Variants in AUTS2 observed in about 807,000 individuals in gnomAD.
AUTS2 encodes activator of transcription and developmental regulator AUTS2.
A neutral mutation model predicts 112.4 loss-of-function variants in AUTS2; 17 were observed. The ratio of observed to expected loss-of-function variants is 0.15; its 90% CI spans 0.10 to 0.23. The LOEUF (loss-of-function observed/expected upper bound fraction) is 0.23, where lower values mean the gene tolerates loss of function less well. Among genes scored for constraint, AUTS2 ranks in the 10% least tolerant of loss-of-function variants. AUTS2 has a pLI of 1.00. For missense variants in AUTS2, 1,510 were observed against 1,701.6 expected, an observed-to-expected ratio of 0.89 and a Z score of 1.98; for synonymous variants, 751 against 702.7, an observed-to-expected ratio of 1.07 and a Z score of -1.09.
chr7:70,532,065 C>A (rs1269522471), intron 5 of AUTS2, among the ~76,000 whole-genome samples: 1 of 152,142 alleles, frequency 6.6e-6, no homozygotes, highest in Non-Finnish European at 1.5e-5. Context: ...TGGGACAGTT[C>A]ATCTCTGCTC....
At chr7:70,454,379 A>G (rs545278520) in intron 5 of AUTS2, among the ~76,000 whole-genome samples, 1 of 152,200 alleles carries the variant, frequency 6.6e-6, no homozygotes, top group African/African-American at 2.4e-5. Flanking sequence ...TACTAAAAAT[A>G]CAAAAAAATT....
chr7:69,799,230 G>A (rs1351684413), intron 1 of AUTS2, among the ~76,000 whole-genome samples: 1 of 152,072 alleles, frequency 6.6e-6, no homozygotes, highest in East Asian at 1.9e-4. Context: ...ACGAATTTTG[G>A]TATCTCAACC....
intron 5 of AUTS2, among the ~76,000 whole-genome samples, chr7:70,535,884 A>G (rs17141722): frequency 0.085 from 12,937 of 152,258 alleles, 635 homozygotes; most frequent in African/African-American, 0.12. Flanking sequence ...ATAAAGAGCT[A>G]TACTGTAAGC....
chr7:70,274,240 C>G (rs1787826282), intron 4 of AUTS2, among the ~76,000 whole-genome samples: 7 of 151,666 alleles, frequency 4.6e-5, no homozygotes. Context: ...CTTCTTTTTT[C>G]TTTCTCTCCC....
chr7:69,996,864 C>A (rs1427589418), intron 2 of AUTS2, among the ~76,000 whole-genome samples: 2 of 150,214 alleles, frequency 1.3e-5, no homozygotes, highest in Non-Finnish European at 2.9e-5. Flanking sequence ...ATAACCCACT[C>A]CAGACCTACT....
chr7:70,131,788 C>T (rs369736495), intron 3 of AUTS2, among the ~76,000 whole-genome samples: 4 of 151,892 alleles, frequency 2.6e-5, no homozygotes, highest in South Asian at 4.1e-4. Context: ...ATATATGATA[C>T]GTGTTGTGAG....
intron 1 of AUTS2, among the ~76,000 whole-genome samples, chr7:69,650,379 G>A (rs1218997988): frequency 6.6e-6 from 1 of 152,164 alleles, no homozygotes; most frequent in African/African-American, 2.4e-5. Context: ...ATTGCCAGGA[G>A]CCTGTTAAAA....
chr7:69,639,934 G>T (rs1794727232), intron 1 of AUTS2, among the ~76,000 whole-genome samples: 1 of 152,184 alleles, frequency 6.6e-6, no homozygotes, highest in Non-Finnish European at 1.5e-5. Flanking sequence ...CAGTCTTAGA[G>T]ATCTGGGAGT....
At chr7:70,432,671 A>G (rs928424170) in intron 4 of AUTS2, among the ~76,000 whole-genome samples, 7 of 152,186 alleles carry the variant, frequency 4.6e-5, no homozygotes, top group African/African-American at 1.7e-4. Context: ...GAGCCAGGCA[A>G]GGCAAACGTT....
At chr7:70,482,641 A>C (rs973619335) in intron 5 of AUTS2, among the ~76,000 whole-genome samples, 2 of 152,200 alleles carry the variant, frequency 1.3e-5, no homozygotes, top group Admixed American at 1.3e-4. Context: ...TGCAGGTGTC[A>C]TGAAGATGAA....
chr7:70,674,977 G>A (rs1022963730), intron 5 of AUTS2, among the ~76,000 whole-genome samples: 2 of 152,086 alleles, frequency 1.3e-5, no homozygotes, highest in African/African-American at 2.4e-5. Context: ...AGAGCTCCTG[G>A]CATGTGACTT....
At chr7:69,712,332 C>T (rs1169572084) in intron 1 of AUTS2, among the ~76,000 whole-genome samples, 1 of 152,168 alleles carries the variant, frequency 6.6e-6, no homozygotes, top group Admixed American at 6.6e-5. Flanking sequence ...ATCATGAACA[C>T]ATTTCCCAAA....
At chr7:70,208,900 T>G (rs1810715296) in intron 4 of AUTS2, among the ~76,000 whole-genome samples, 1 of 151,574 alleles carries the variant, frequency 6.6e-6, no homozygotes, top group Non-Finnish European at 1.5e-5. Flanking sequence ...AGAGGAGAGA[T>G]AAAGGAAGAT....
At chr7:70,514,671 A>G (rs1418835091) in intron 5 of AUTS2, among the ~76,000 whole-genome samples, 7 of 152,182 alleles carry the variant, frequency 4.6e-5, no homozygotes, top group Admixed American at 1.3e-4. Context: ...AGAACATCCA[A>G]AGCGTATCAT....
intron 4 of AUTS2, among the ~76,000 whole-genome samples, chr7:70,238,459 C>T (rs1812439248): frequency 6.6e-6 from 1 of 152,114 alleles, no homozygotes; most frequent in Non-Finnish European, 1.5e-5. Context: ...ACTGCCTGCT[C>T]CCTCCCTTCT....
intron 2 of AUTS2, among the ~76,000 whole-genome samples, chr7:69,914,559 T>C (rs1158700164): frequency 2.0e-5 from 3 of 151,980 alleles, no homozygotes. Context: ...CCATGGAATC[T>C]ATCAGCAGTT....
intron 2 of AUTS2, among the ~76,000 whole-genome samples, chr7:69,991,159 A>C (rs887301131): frequency 1.3e-5 from 2 of 152,218 alleles, no homozygotes; most frequent in Admixed American, 6.5e-5. Flanking sequence ...ATCTGCCTTG[A>C]AATTCCGGGG....
At chr7:70,768,673 A>G (rs1790098551) in intron 10 of AUTS2, among the ~76,000 whole-genome samples, 1 of 152,080 alleles carries the variant, frequency 6.6e-6, no homozygotes, top group Non-Finnish European at 1.5e-5. Flanking sequence ...TTTAAAAAAA[A>G]TAAAAAAAAC....
chr7:70,032,883 TAA>T (rs58452434), intron 2 of AUTS2, among the ~76,000 whole-genome samples: 22 of 137,226 alleles, frequency 1.6e-4, no homozygotes, highest in East Asian at 2.1e-4. Flanking sequence ...AGAGGCAGAG[TAA>T]AAAAAAAAAA....
Sources: allele counts gnomAD v4.1 joint callset (sites outside exome capture counted in the v4.1 genomes callset), GRCh38; gene constraint gnomAD v4.1.1; transcripts MANE v1.5; gene names NCBI Gene and HGNC (gene_info 2026-07-23, HGNC 2026-07-21).